The following BABAM2 variants were observed in gnomAD, a reference collection of about 807,000 sequenced individuals.
BABAM2 encodes BRISC and BRCA1-A complex member 2.
A neutral mutation model predicts 54.7 loss-of-function variants in BABAM2; 31 were observed. That is an observed-to-expected ratio of 0.57 (90% CI 0.43 to 0.77). BABAM2 has a LOEUF of 0.77. Among genes scored for constraint, BABAM2 ranks in the 30% least tolerant of loss-of-function variants. BABAM2 has a pLI of 0.00. For missense variants in BABAM2, 364 were observed against 455.8 expected (o/e 0.80, Z 1.83); for synonymous variants, 167 against 162.9 (o/e 1.03, Z -0.19).
chr2:28,239,123 A>G (rs1357304696), intron 8 of BABAM2, among the ~76,000 whole-genome samples: 1 of 152,240 alleles, frequency 6.6e-6, no homozygotes, highest in African/African-American at 2.4e-5. Context: ...CTTTTTAAAC[A>G]AAGCCACTTA....
intron 10 of BABAM2, among the ~76,000 whole-genome samples, chr2:28,267,574 C>A (rs1685092901): frequency 6.6e-6 from 1 of 152,204 alleles, no homozygotes; most frequent in African/African-American, 2.4e-5. Context: ...CCTGTGCTGT[C>A]AATTCAGTGG....
rs1667976727 is a variant in BABAM2 at position 27,929,959 on chromosome 2, A to G, written c.205+51A>G. ...CAAAATGTAGGTTACAGTGTCAGCT[A>G]TTGGACTTTGTGCTTTAGTTTTCAT... On this transcript the variant is annotated intron_variant, in intron 3 of 11. Transcript: ENST00000379624. The G allele has an allele frequency of 2.6e-6, 4 of 1,526,012 alleles. No homozygotes were observed. The South Asian group carries it at 4.5e-5, about 17-fold the overall frequency. 94.5% of individuals were successfully genotyped at this position (1,526,012 alleles called of 1,614,324 possible).
intron 3 of BABAM2, among the ~76,000 whole-genome samples, chr2:27,976,083 A>C (rs918795800): frequency 6.6e-6 from 1 of 152,154 alleles, no homozygotes; most frequent in Non-Finnish European, 1.5e-5. Context: ...GAATGTGTAG[A>C]AACTGGAACT....
intron 6 of BABAM2, among the ~76,000 whole-genome samples, chr2:28,092,616 A>T (rs906261523): frequency 1.3e-5 from 2 of 152,220 alleles, no homozygotes; most frequent in Non-Finnish European, 2.9e-5. Flanking sequence ...AGGAATCTTT[A>T]CAGCCCCCCA....
At chr2:28,132,142 C>CT (rs371766527) in intron 7 of BABAM2, among the ~76,000 whole-genome samples, 19,093 of 139,328 alleles carry the variant, frequency 0.14, 2,003 homozygotes, top group African/African-American at 0.29. Flanking sequence ...TCTTCTTCTT[C>CT]TTTTTTTTTT....
rs533085545 is a variant in BABAM2, at chr2:28,293,379, G to T, written c.935-4959G>T. Among the ~76,000 whole-genome samples, 441 of 152,234 alleles carry T rather than the reference G, an allele frequency of 2.9e-3. 2 individuals carry two copies. The highest frequency in any genetic ancestry group is 0.01 in the African/African-American group (421 of 41,528). ...CTAGTGAAAAGATGAGCATTTAGGG[G>T]CAGATAAGCATGTTTGCTTGGGAAG... On this transcript the variant is annotated intron_variant, in intron 10 of 11. Coordinates refer to ENST00000379624, the MANE Select transcript of BABAM2 (RefSeq NM_199191.3).
intron 10 of BABAM2, among the ~76,000 whole-genome samples, chr2:28,269,883 G>A (rs1201500554): frequency 5.3e-5 from 8 of 151,810 alleles, no homozygotes; most frequent in Non-Finnish European, 2.9e-5. Context: ...ATGACATCAG[G>A]AGCTCTAATA....
intron 6 of BABAM2, among the ~76,000 whole-genome samples, chr2:28,097,158 C>T (rs771761119): frequency 2.0e-5 from 3 of 152,070 alleles, no homozygotes; most frequent in Non-Finnish European, 2.9e-5. Context: ...CATGGGGAAC[C>T]ATAGCTGTAG....
intron 7 of BABAM2, among the ~76,000 whole-genome samples, chr2:28,191,973 C>T (rs536068039): frequency 1.3e-5 from 2 of 152,284 alleles, no homozygotes; most frequent in African/African-American, 4.8e-5. Flanking sequence ...TGACAGAAAT[C>T]GAAGAGCTGT....
At chr2:27,932,705 C>A (rs1390165956) in intron 3 of BABAM2, among the ~76,000 whole-genome samples, 1 of 152,174 alleles carries the variant, frequency 6.6e-6, no homozygotes, top group Non-Finnish European at 1.5e-5. Context: ...TTTGCTTACT[C>A]TTCCTGTTCT....
intron 5 of BABAM2, among the ~76,000 whole-genome samples, chr2:28,030,981 TAAC>T (rs1411410913): frequency 6.6e-6 from 1 of 152,178 alleles, no homozygotes. Context: ...CTGTTATAAA[TAAC>T]AACATCCTGG....
chr2:28,211,857 C>G (rs1679493839), intron 7 of BABAM2, among the ~76,000 whole-genome samples: 1 of 152,004 alleles, frequency 6.6e-6, no homozygotes, highest in Non-Finnish European at 1.5e-5. Flanking sequence ...ACAAAATTAC[C>G]AGTAATTCTT....
chr2:28,216,999 T>C (rs1323900436), intron 7 of BABAM2, among the ~76,000 whole-genome samples: 1 of 152,234 alleles, frequency 6.6e-6, no homozygotes, highest in Non-Finnish European at 1.5e-5. Flanking sequence ...CACTTTATCA[T>C]TTGAGTCTCA....
At chr2:28,140,139 C>G (rs1189157611) in intron 7 of BABAM2, among the ~76,000 whole-genome samples, 1 of 152,102 alleles carries the variant, frequency 6.6e-6, no homozygotes, top group African/African-American at 2.4e-5. Context: ...TCTTCAAGTT[C>G]TAGCATTTAT....
At chr2:27,933,764 G>GTTTTTTTTT (rs59022185) in intron 3 of BABAM2, among the ~76,000 whole-genome samples, 3 of 110,884 alleles carry the variant, frequency 2.7e-5, no homozygotes, top group African/African-American at 7.4e-5. Flanking sequence ...TGCCTGGCTT[G>GTTTTTTTTT]TTTTTTTTTT....
At chr2:28,178,188 A>C (rs969073843) in intron 7 of BABAM2, among the ~76,000 whole-genome samples, 1 of 152,192 alleles carries the variant, frequency 6.6e-6, no homozygotes, top group African/African-American at 2.4e-5. Flanking sequence ...ACAGCTGCAG[A>C]AAATACACAC....
In BABAM2 at chr2:27,940,466, G is replaced by A. The variant is rs532870530; in HGVS notation, c.205+10558G>A. Among the ~76,000 whole-genome samples, 10 of 152,258 alleles carry A rather than the reference G, an allele frequency of 6.6e-5. No individual in the cohort carries two copies. The East Asian group carries it at 7.7e-4, about 12-fold the overall frequency. ...TAAATGTTTGTGGAAAGAATGAGCC[G>A]TGTTCATTCTTTGGATCTGACAACA... On this transcript the variant is annotated intron_variant, in intron 3 of 11. Coordinates refer to ENST00000379624, the MANE Select transcript of BABAM2 (RefSeq NM_199191.3).
chr2:28,226,540 G>C (rs899864964), intron 7 of BABAM2, among the ~76,000 whole-genome samples: 4 of 152,138 alleles, frequency 2.6e-5, no homozygotes, highest in Admixed American at 6.5e-5. Context: ...AGGAGTCATG[G>C]GGGGAGATGA....
At chr2:28,025,629 T>G in intron 5 of BABAM2, 2 of 486,344 alleles carry the variant, frequency 4.1e-6, no homozygotes, top group Non-Finnish European at 6.7e-6. Flanking sequence ...GTTTGTAAGA[T>G]TCAGAGTCTC....
Sources: gnomAD v4.1 joint callset for allele counts (sites outside exome capture counted in the v4.1 genomes callset) on GRCh38, gnomAD v4.1.1 for gene constraint, MANE v1.5 for transcripts, NCBI Gene and HGNC (gene_info 2026-07-23, HGNC 2026-07-21) for gene names.